Variants in EP400 observed in about 807,000 individuals in gnomAD.
EP400 encodes E1A-binding protein p400.
In EP400, 105 loss-of-function variants were observed where a neutral mutation model predicts 354.1. The ratio of observed to expected loss-of-function variants is 0.30; its 90% CI spans 0.25 to 0.35. The LOEUF (loss-of-function observed/expected upper bound fraction) is 0.35, where lower values mean the gene tolerates loss of function less well. Among genes scored for constraint, EP400 ranks in the 10% least tolerant of loss-of-function variants. The probability of loss-of-function intolerance (pLI) is 1.00; values close to 1 mark genes in which losing one functional copy is unlikely to be tolerated. For synonymous variants in EP400, 1,646 were observed against 1,716.9 expected (o/e 0.96, Z 1.02); for missense variants, 3,280 against 4,121.0 (o/e 0.80, Z 5.59).
In EP400 at chr12:132,050,255, C is replaced by T. The variant is rs147640934; in HGVS notation, c.7201-68C>T. The T allele has an allele frequency of 6.3e-7, 1 of 1,582,840 alleles. No individual in the cohort carries two copies. The highest frequency in any genetic ancestry group is 8.6e-7 in the Non-Finnish European group (1 of 1,160,170). The stretch of plus-strand genomic sequence containing the variant: ...AGCCTCAGATTCCCACCCAGTGAGC[C>T]CTGTGTCCCACGCAGCCGTCTGTCC... On this transcript the variant is annotated intron_variant, in intron 39 of 52. Transcript: ENST00000389561. This position sits in a 1 kb window ranked among gnomAD's most constrained non-coding sequence, Gnocchi z 4.8.
chr12:132,031,019 A>C (rs1894472413), intron 29 of EP400, among the ~76,000 whole-genome samples: 1 of 152,204 alleles, frequency 6.6e-6, no homozygotes, highest in Non-Finnish European at 1.5e-5. Flanking sequence ...GCCTAGAAAG[A>C]AATAGAGCAA....
At position 132,032,222 on chromosome 12, in the gene EP400, G is replaced by A. The variant is rs1398467763; in HGVS notation, c.5951+73G>A. ...TATACAGGTGAGGGCCTGCGGGGATGGCCGCGTGGAAATGGAGTCAATGAG... is the reference window on the plus strand; with the variant it reads ...TATACAGGTGAGGGCCTGCGGGGATAGCCGCGTGGAAATGGAGTCAATGAG... On this transcript the variant is annotated intron_variant, in intron 30 of 52. Transcript: ENST00000389561. The A allele has an allele frequency of 1.6e-5, 24 of 1,476,892 alleles. No individual in the cohort carries two copies. The East Asian group carries it at 4.3e-4, about 27-fold the overall frequency. The allele number at this position is 1,476,892 out of a possible 1,614,324, so 91.5% of individuals were successfully genotyped here.
intron 2 of EP400, among the ~76,000 whole-genome samples, chr12:131,978,546 T>G (rs1181502426): frequency 6.6e-6 from 1 of 152,184 alleles, no homozygotes; most frequent in Admixed American, 6.5e-5. Context: ...TGGGGTCTCT[T>G]ACTTTGTTGC....
rs779158975 is a variant in EP400, at chr12:132,052,456, C to T, written c.7395-690C>T. On this transcript the variant is annotated intron_variant, in intron 41 of 52. Coordinates refer to ENST00000389561, the MANE Select transcript of EP400 (RefSeq NM_015409.5). This position sits in a 1 kb window ranked among gnomAD's most constrained non-coding sequence, Gnocchi z 4.4. ...CCCTGAGTGTGCTGGCAGCCGCGCC[C>T]CAGCCCTTCACTTAACTGCCCTCGT... Among the ~76,000 whole-genome samples the T allele has an allele frequency of 3.9e-5, 6 of 152,262 alleles. No individual in the cohort carries two copies. Among genetic ancestry groups the T allele is most frequent in the Admixed American group, 6.5e-5 (1 of 15,292 alleles).
At chr12:131,969,045 C>CT (rs111450529) in intron 2 of EP400, among the ~76,000 whole-genome samples, 20,909 of 142,042 alleles carry the variant, frequency 0.15, 2,089 homozygotes, top group African/African-American at 0.3. Flanking sequence ...CTTTACTTTT[C>CT]TTTTTTTTTT....
At chr12:132,031,754 G>T (rs1021250904) in intron 29 of EP400, among the ~76,000 whole-genome samples, 199 bp from the exon 30 acceptor site, 20 of 152,106 alleles carry the variant, frequency 1.3e-4, no homozygotes, top group Admixed American at 7.2e-4. Context: ...ACGGGGTTTC[G>T]CCATGTTAGC....
At chr12:132,065,571 G>C (rs1483116414) in intron 48 of EP400, 1 of 152,270 alleles carries the variant, frequency 6.6e-6, no homozygotes, top group African/African-American at 2.4e-5. Flanking sequence ...CCATTTTACA[G>C]GTTAAGAAAC....
At chr12:131,964,931 T>G (rs1034080901) in intron 2 of EP400, among the ~76,000 whole-genome samples, 1 of 152,250 alleles carries the variant, frequency 6.6e-6, no homozygotes, top group Non-Finnish European at 1.5e-5. Flanking sequence ...CAGTATCAAG[T>G]TGTCATGCCT....
At chr12:131,981,963 GC>G (rs1892695777) in intron 4 of EP400, 129 bp from the exon 5 acceptor site, 8 of 1,248,730 alleles carry the variant, frequency 6.4e-6, no homozygotes, top group Non-Finnish European at 8.8e-6. Context: ...CTCGGTTGTG[GC>G]CAACTTCTCG....
intron 1 of EP400, among the ~76,000 whole-genome samples, chr12:131,952,302 CAAAA>C (rs927214848): frequency 1.1e-4 from 5 of 47,044 alleles, no homozygotes; most frequent in Non-Finnish European, 1.4e-4. Context: ...GACTCTGTCT[CAAAA>C]AAAAAAAAAA....
chr12:132,048,075 G>C (rs543958697), intron 39 of EP400, among the ~76,000 whole-genome samples: 3 of 152,184 alleles, frequency 2.0e-5, no homozygotes, highest in South Asian at 2.1e-4. Context: ...CTGTTATTCT[G>C]TTCTTTTTTT....
chr12:131,971,671 G>A (rs938449825), intron 2 of EP400, among the ~76,000 whole-genome samples: 1 of 152,044 alleles, frequency 6.6e-6, no homozygotes, highest in Non-Finnish European at 1.5e-5. Flanking sequence ...CGGGTGTATG[G>A]AGTTTTTAAG....
intron 39 of EP400, among the ~76,000 whole-genome samples, chr12:132,046,580 A>G (rs77975139): frequency 1.3e-5 from 2 of 152,156 alleles, no homozygotes; most frequent in Non-Finnish European, 2.9e-5. Flanking sequence ...GTGTAGTCAA[A>G]TCATTGGTCT....
At chr12:131,971,608 A>G (rs1324413683) in intron 2 of EP400, among the ~76,000 whole-genome samples, 4 of 152,328 alleles carry the variant, frequency 2.6e-5, no homozygotes, top group Middle Eastern at 3.4e-3. Flanking sequence ...AACAGTGCAC[A>G]AGGGTTCTTT....
In EP400 at chr12:132,013,246, T is replaced by C; in HGVS notation, c.3611+68T>C. ...GATGTAGAAGATTCTCTTGAAGAAA[T>C]CTGCATAATTGCAGACACAAACAAT... On this transcript the variant is annotated intron_variant, in intron 17 of 52. Coordinates refer to ENST00000389561, the MANE Select transcript of EP400 (RefSeq NM_015409.5). This position sits in a 1 kb window ranked among gnomAD's most constrained non-coding sequence, Gnocchi z 4.5. 6.6e-7 allele frequency: 1 copy of C among 1,525,026 alleles called. No individual in the cohort carries two copies. The highest frequency in any genetic ancestry group is 8.8e-7 in the Non-Finnish European group (1 of 1,132,312). The allele number at this position is 1,525,026 out of a possible 1,614,324, so 94.5% of individuals were successfully genotyped here.
At position 131,982,458 on chromosome 12, in the gene EP400, C is replaced by T; in HGVS notation, c.1909C>T (p.Gln637Ter). The T allele has an allele frequency of 6.2e-7, 1 of 1,605,778 alleles. No homozygotes were observed. Among genetic ancestry groups the T allele is most frequent in the Non-Finnish European group, 8.5e-7 (1 of 1,173,872 alleles). The change falls in exon 5 of 53, where the codon CAG (glutamine) becomes TAG (stop). Residue 637 changes from glutamine to a stop codon, truncating the protein, a stop_gained. Transcript: ENST00000389561. LOFTEE classifies it high-confidence loss of function. ...TPGKVQVQASQLSSLPQMVAS... is the reference protein window; with the variant it reads ...TPGKVQVQAS ...TGGAAAGGTGCAGGTGCAGGCCTCT[C>T]AGCTTTCCTCCCTGCCACAGGTATG...
intron 32 of EP400, among the ~76,000 whole-genome samples, chr12:132,039,446 T>C (rs1250043229): frequency 6.6e-6 from 1 of 152,000 alleles, no homozygotes; most frequent in African/African-American, 2.4e-5. Context: ...TTTAATAGAC[T>C]GGCCCTCACA....
At chr12:131,981,723 G>A in intron 4 of EP400, 127 bp downstream of exon 4, 1 of 740,482 alleles carries the variant, frequency 1.4e-6, no homozygotes, top group Non-Finnish European at 2.2e-6. Context: ...GCCTGAAATT[G>A]AGATACTTCT....
At chr12:132,053,648 C>A in intron 43 of EP400, 51 bp downstream of exon 43, 2 of 1,448,936 alleles carry the variant, frequency 1.4e-6, no homozygotes, top group South Asian at 1.4e-5. Context: ...GTCACCCACA[C>A]CTGCACTTGA....
Sources: gnomAD v4.1 joint callset for allele counts (sites outside exome capture counted in the v4.1 genomes callset) on GRCh38, gnomAD v4.1.1 for gene constraint, Gnocchi (gnomAD v3.1) non-coding constraint, MANE v1.5 for transcripts, NCBI Gene and HGNC (gene_info 2026-07-23, HGNC 2026-07-21) for gene names.